MICAL3: variants seen among roughly 807,000 people sequenced by gnomAD.
MICAL3 encodes the protein microtubule associated monooxygenase, calponin and LIM domain containing 3, also known as [F-actin]-monooxygenase MICAL3.
In MICAL3, 62 loss-of-function variants were observed where a neutral mutation model predicts 207.4. The observed-to-expected ratio is 0.30, with a 90% CI of 0.24 to 0.37. The LOEUF is 0.37. MICAL3 is among the 10% of genes least tolerant of loss of function. The pLI is 1.00. For synonymous variants in MICAL3, 1,077 were observed against 1,069.3 expected (o/e 1.01, Z -0.14); for missense variants, 2,368 against 2,635.6 (o/e 0.90, Z 2.22).
At chr22:17,941,928 C>T (rs1236678929) in intron 1 of MICAL3, among the ~76,000 whole-genome samples, 1 of 152,200 alleles carries the variant, frequency 6.6e-6, no homozygotes, top group East Asian at 1.9e-4. Flanking sequence ...GCAGCACAGG[C>T]AGCGGAACAG....
intron 19 of MICAL3, among the ~76,000 whole-genome samples, chr22:17,843,013 C>T (rs986796692): frequency 1.3e-4 from 19 of 148,534 alleles, no homozygotes; most frequent in African/African-American, 4.5e-4. Flanking sequence ...CCCAGCTACT[C>T]GGGAGGCTGA....
intron 17 of MICAL3, among the ~76,000 whole-genome samples, chr22:17,871,100 G>A (rs570247911): frequency 3.3e-5 from 5 of 152,214 alleles, no homozygotes; most frequent in African/African-American, 1.2e-4. Context: ...TGCCTCCCAC[G>A]AAGTCCCTCC....
intron 19 of MICAL3, chr22:17,858,482 C>T (rs1926165811): frequency 1.0e-5 from 10 of 985,248 alleles, no homozygotes; most frequent in African/African-American, 1.7e-5. Flanking sequence ...CCTGAAATCT[C>T]TGCCTGGCTG....
chr22:17,864,941 C>T lies in MICAL3; in HGVS notation c.2563G>A (p.Gly855Arg), dbSNP rs200738503. The T allele has an allele frequency of 4.3e-5, 70 of 1,613,634 alleles. No homozygotes were observed. Among genetic ancestry groups the T allele is most frequent in the East Asian group, 6.7e-5 (3 of 44,858 alleles). Residue 855 changes from glycine to arginine, a missense_variant, in exon 19 of 32, where the codon GGA becomes AGA. By Grantham distance (125) the Gly-to-Arg change is moderately radical. Around this residue, in one of 4 missense-constraint regions of MICAL3, gnomAD observed 1,770 missense variants for 1,863.2 expected, o/e 0.95. Coordinates refer to ENST00000441493, the MANE Select transcript of MICAL3 (RefSeq NM_015241.3). ...GAGCTGGCCACGGCGTTGGCCCGTC[C>T]GTTTGCATCTGTGGTGGCGCCATCC... Reference protein sequence around the residue: ...LQDGATTDANGRANAVASSTE... With the variant: ...LQDGATTDANRRANAVASSTE...
chr22:18,008,026 A>G (rs1052912599), intron 1 of MICAL3, among the ~76,000 whole-genome samples: 1 of 150,088 alleles, frequency 6.7e-6, no homozygotes, highest in Non-Finnish European at 1.5e-5. Context: ...GGATCACTTG[A>G]GGTCAGGAGT....
At chr22:17,895,006 C>G (rs1024888433) in intron 10 of MICAL3, among the ~76,000 whole-genome samples, 2 of 152,078 alleles carry the variant, frequency 1.3e-5, no homozygotes, top group Non-Finnish European at 2.9e-5. Flanking sequence ...AGTGCTCTTC[C>G]GTAAAGTAAG....
rs762810919 is a variant in MICAL3, at chr22:17,901,918, T to A, written c.651A>T (p.Glu217Asp). Reference protein sequence around the residue: ...KTHPVSEYEFEVIIGGDGRRN... With the variant: ...KTHPVSEYEFDVIIGGDGRRN... Reference sequence around the variant, plus strand: ...TCCGACCATCCCCACCGATGATCACTTCAAATTCATACTCTGACACAGGAT... The same window carrying A: ...TCCGACCATCCCCACCGATGATCACATCAAATTCATACTCTGACACAGGAT... The change falls in exon 5 of 32, where the codon GAA becomes GAT. Residue 217 changes from glutamate (E) to aspartate (D), a missense_variant. Physicochemically the swap from Glu to Asp is conservative, Grantham distance 45. This residue lies in a region of MICAL3 where 400 missense variants were observed against 547.0 expected (regional missense o/e 0.73). Transcript: ENST00000441493. 1.2e-5 allele frequency: 20 copies of A among 1,613,848 alleles called. No homozygotes were observed. The highest frequency in any genetic ancestry group is 1.7e-5 in the Non-Finnish European group (20 of 1,179,868).
Position 17,893,891 on chromosome 22 carries a change from T to A in MICAL3, c.1463A>T (p.Tyr488Phe), listed in dbSNP as rs1205651376. 3 of 1,558,034 alleles carry A rather than the reference T, an allele frequency of 1.9e-6. No individual in the cohort carries two copies. The highest frequency in any genetic ancestry group is 1.9e-5 in the Admixed American group (1 of 51,982). The change falls in exon 11 of 32, where the codon TAT (tyrosine) becomes TTT (phenylalanine). Residue 488 changes from tyrosine (Y) to phenylalanine (F), a missense_variant. Tyr to Phe is a conservative substitution (Grantham distance 22, BLOSUM62 3). Transcript: ENST00000441493. ...FLRPSQVRHL[Y>F]DTGETKDIHL... ...AATATCTTTTGTTTCGCCAGTATCATATAAATGGCGCACCTGGCAGAAATT... is the reference window on the plus strand; with the variant it reads ...AATATCTTTTGTTTCGCCAGTATCAAATAAATGGCGCACCTGGCAGAAATT...
chr22:17,947,776 C>G (rs751852002), intron 1 of MICAL3, among the ~76,000 whole-genome samples: 6 of 151,992 alleles, frequency 3.9e-5, no homozygotes, highest in Non-Finnish European at 5.9e-5. Flanking sequence ...GCTATGTCAC[C>G]CAGGTGAAAC....
At chr22:17,935,263 G>A (rs923289326) in intron 1 of MICAL3, among the ~76,000 whole-genome samples, 14 of 152,172 alleles carry the variant, frequency 9.2e-5, no homozygotes, top group Admixed American at 5.2e-4. Flanking sequence ...AGAGGCCTCA[G>A]AAATAATGCC....
chr22:17,794,847 A>G (rs980099203), intron 29 of MICAL3, among the ~76,000 whole-genome samples: 1 of 152,158 alleles, frequency 6.6e-6, no homozygotes, highest in Non-Finnish European at 1.5e-5. Context: ...GAGTTTGGCA[A>G]GGGACCATCA....
rs1406677790 is a variant in MICAL3 at position 18,024,275 on chromosome 22, A to G, written c.-75+6T>C. ...CTCGCCCACAGGGGGACTGGAGGGTACTCACCGACTAGGGCTTCACAGCCG... is the reference window on the plus strand; with the variant it reads ...CTCGCCCACAGGGGGACTGGAGGGTGCTCACCGACTAGGGCTTCACAGCCG... On this transcript the variant is annotated splice_donor_region_variant and intron_variant, in intron 1 of 31. Transcript: ENST00000441493. 1 of 152,210 alleles carries G rather than the reference A, an allele frequency of 6.6e-6. No individual in the cohort carries two copies. The highest frequency in any genetic ancestry group is 2.4e-5 in the African/African-American group (1 of 41,472). 9.4% of individuals were successfully genotyped at this position (152,210 alleles called of 1,614,324 possible).
Position 17,841,586 on chromosome 22 carries a change from C to T in MICAL3, c.2801+236G>A. 1.7e-6 allele frequency: 1 copy of T among 581,002 alleles called. No individual in the cohort carries two copies. Among genetic ancestry groups the T allele is most frequent in the South Asian group, 2.2e-5 (1 of 45,142 alleles). 36.0% of individuals were successfully genotyped at this position (581,002 alleles called of 1,614,324 possible). A position where few individuals can be genotyped will look rare whatever the true frequency, so the allele number is the denominator to read the frequency against. On this transcript the variant is annotated intron_variant, in intron 20 of 31. Coordinates refer to ENST00000441493, the MANE Select transcript of MICAL3 (RefSeq NM_015241.3). The surrounding 1 kb of genome is among the most constrained non-coding windows in gnomAD (Gnocchi z 4.2). ...CCAATGACAGACTTGGAGCTGGGGACATGTCAGGTCCTCAAGGAATAAATA... is the reference window on the plus strand; with the variant it reads ...CCAATGACAGACTTGGAGCTGGGGATATGTCAGGTCCTCAAGGAATAAATA...
chr22:17,806,057 C>T (rs1337045957), intron 29 of MICAL3, among the ~76,000 whole-genome samples: 3 of 152,196 alleles, frequency 2.0e-5, no homozygotes, highest in African/African-American at 7.2e-5. Context: ...AACTTTTCAC[C>T]CACTGGAGAC....
At chr22:17,916,631 C>A (rs1393222300) in intron 1 of MICAL3, among the ~76,000 whole-genome samples, 4 of 152,190 alleles carry the variant, frequency 2.6e-5, no homozygotes, top group Non-Finnish European at 4.4e-5. Context: ...TTTTCCTCAA[C>A]CTGTCTGCAG....
rs150691670 is a variant in MICAL3 at position 17,886,082 on chromosome 22, G to A, written c.2068-31C>T. 101 of 1,610,226 alleles carry A rather than the reference G, an allele frequency of 6.3e-5. No individual in the cohort carries two copies. In the African/African-American group the frequency reaches 1.1e-3, roughly 18 times the overall value. ...CAATGCCAACCCCAAAGAACCCGGC[G>A]CTGTGACAGGAGGCTCCCCCCATGC... is the stretch of plus-strand genomic sequence containing the variant. On this transcript the variant is annotated intron_variant, in intron 15 of 31. Transcript: ENST00000441493.
chr22:17,950,785 G>A (rs1277571580), intron 1 of MICAL3, among the ~76,000 whole-genome samples: 1 of 152,216 alleles, frequency 6.6e-6, no homozygotes, highest in Non-Finnish European at 1.5e-5. Context: ...CTGATCTGAA[G>A]AAGAGTCACA....
chr22:17,845,412 A>T (rs967025750), intron 19 of MICAL3, among the ~76,000 whole-genome samples: 3 of 152,184 alleles, frequency 2.0e-5, no homozygotes, highest in Non-Finnish European at 4.4e-5. Context: ...TCTCTACTCT[A>T]AAAGAGCTTC....
intron 29 of MICAL3, among the ~76,000 whole-genome samples, chr22:17,795,731 A>G (rs1432071405): frequency 6.6e-6 from 1 of 152,252 alleles, no homozygotes; most frequent in Non-Finnish European, 1.5e-5. Context: ...CGGGGCCGCT[A>G]CCTTCGGACT....
Sources: gnomAD v4.1 joint callset for allele counts (sites outside exome capture counted in the v4.1 genomes callset) on GRCh38, gnomAD v4.1.1 for gene constraint, gnomAD v4.1.1 regional missense constraint, Gnocchi (gnomAD v3.1) non-coding constraint, MANE v1.5 for transcripts, NCBI Gene and HGNC (gene_info 2026-07-23, HGNC 2026-07-21) for gene names.